The following IQSEC1 variants were observed in gnomAD, a reference collection of about 807,000 sequenced individuals.
IQSEC1 encodes the protein IQ motif and Sec7 domain ArfGEF 1, also known as IQ motif and SEC7 domain-containing protein 1.
A neutral mutation model predicts 91.0 loss-of-function variants in IQSEC1; 31 were observed. The ratio of observed to expected loss-of-function variants is 0.34; its 90% CI spans 0.26 to 0.46. IQSEC1 has a LOEUF of 0.46. Among genes scored for constraint, IQSEC1 ranks in the 20% least tolerant of loss-of-function variants. The pLI is 1.00. For synonymous variants in IQSEC1, 699 were observed against 662.6 expected (o/e 1.05, Z -0.84); for missense variants, 1,388 against 1,575.6 (o/e 0.88, Z 2.02).
At chr3:13,257,482 C>A (rs1695311238) in intron 1 of IQSEC1, among the ~76,000 whole-genome samples, 1 of 152,244 alleles carries the variant, frequency 6.6e-6, no homozygotes, top group Non-Finnish European at 1.5e-5. Context: ...CACCCCCAAC[C>A]AGACTAACCC....
At chr3:13,010,212 ATGGTGGATGCAG>A (rs1302536830) in intron 1 of IQSEC1, among the ~76,000 whole-genome samples, 2 of 152,204 alleles carry the variant, frequency 1.3e-5, no homozygotes, top group African/African-American at 2.4e-5. Context: ...GCAGGTCGCA[ATGGTGGATGCAG>A]GATGTTTCTG....
In IQSEC1 at chr3:12,992,763, G is replaced by T. The variant is rs542667398; in HGVS notation, c.24-50898C>A. On this transcript the variant is annotated intron_variant, in intron 1 of 13. Coordinates refer to ENST00000613206, the MANE Select transcript of IQSEC1 (RefSeq NM_001134382.3). This position sits in a 1 kb window ranked among gnomAD's most constrained non-coding sequence, Gnocchi z 4.1. ...CTCATCTCCTGGACAAGGCCAGGGG[G>T]AGGGGACACCCACTGTCACCTTTCT... is the stretch of plus-strand genomic sequence containing the variant. Among the ~76,000 whole-genome samples, 98 of 152,362 alleles carry T rather than the reference G, an allele frequency of 6.4e-4. No individual in the cohort carries two copies. The highest frequency in any genetic ancestry group is 1.2e-3 in the Non-Finnish European group (81 of 68,036).
intron 1 of IQSEC1, among the ~76,000 whole-genome samples, chr3:13,275,420 A>AAGTGCCCTAGGCTGGTCTGTGCCCAT (rs1695660124): frequency 6.6e-6 from 1 of 152,188 alleles, no homozygotes; most frequent in African/African-American, 2.4e-5. Context: ...TAAGAAAGGC[A>AAGTGCCCTAGGCTGGTCTGTGCCCAT]AGTGCCCTAG....
chr3:12,968,224 C>T (rs1700732784), intron 1 of IQSEC1, among the ~76,000 whole-genome samples: 2 of 152,278 alleles, frequency 1.3e-5, no homozygotes, highest in African/African-American at 4.8e-5. Flanking sequence ...TGGACCGAAC[C>T]GTGTGGTTCT....
chr3:13,166,859 C>A (rs1248324224), intron 1 of IQSEC1, among the ~76,000 whole-genome samples: 1 of 152,234 alleles, frequency 6.6e-6, no homozygotes, highest in Non-Finnish European at 1.5e-5. Flanking sequence ...AACAGCAACA[C>A]ACAGTGGAGT....
intron 1 of IQSEC1, among the ~76,000 whole-genome samples, chr3:13,171,565 A>G (rs1395086561): frequency 1.3e-5 from 2 of 152,078 alleles, no homozygotes; most frequent in African/African-American, 4.8e-5. Flanking sequence ...AAACTCAGGG[A>G]TGTTGTTATA....
intron 1 of IQSEC1, among the ~76,000 whole-genome samples, chr3:13,208,687 T>C (rs1694387146): frequency 6.6e-6 from 1 of 151,916 alleles, no homozygotes; most frequent in African/African-American, 2.4e-5. Flanking sequence ...GTTTCAGGAG[T>C]GAAGTGGTGC....
rs1702741928 is a variant in IQSEC1, at chr3:13,008,701, C to A, written c.23+64291G>T. Among the ~76,000 whole-genome samples, 1 of 152,224 alleles carries A rather than the reference C, an allele frequency of 6.6e-6. No individual in the cohort carries two copies. Among genetic ancestry groups the A allele is most frequent in the South Asian group, 2.1e-4 (1 of 4,834 alleles). ...AGGGAGGGGGTCTCACGCTGGTGTC[C>A]TCACTGCTTTGAGCGGTGCTGGGCA... On this transcript the variant is annotated intron_variant, in intron 1 of 13. Coordinates refer to ENST00000613206, the MANE Select transcript of IQSEC1 (RefSeq NM_001134382.3). This position sits in a 1 kb window ranked among gnomAD's most constrained non-coding sequence, Gnocchi z 4.1.
chr3:13,106,421 G>C (rs144909731), intron 2 of IQSEC1, among the ~76,000 whole-genome samples: 1 of 152,152 alleles, frequency 6.6e-6, no homozygotes, highest in Non-Finnish European at 1.5e-5. Context: ...TCTCTGTTCC[G>C]AGCACTTGCT....
intron 2 of IQSEC1, among the ~76,000 whole-genome samples, chr3:13,134,510 A>T (rs2124924464): frequency 6.6e-6 from 1 of 152,360 alleles, no homozygotes; most frequent in East Asian, 1.9e-4. Context: ...GTTGGCAATG[A>T]TGTGCTTTAG....
intron 3 of IQSEC1, among the ~76,000 whole-genome samples, chr3:12,932,054 C>A (rs530437894): frequency 2.6e-5 from 4 of 152,352 alleles, no homozygotes; most frequent in Non-Finnish European, 5.9e-5. Flanking sequence ...TGGTGTGGCT[C>A]ACCTGTGACA....
chr3:13,104,191 T>C (rs1213735970), intron 2 of IQSEC1, among the ~76,000 whole-genome samples: 1 of 152,096 alleles, frequency 6.6e-6, no homozygotes, highest in African/African-American at 2.4e-5. Context: ...CACACAAACA[T>C]AGCATGTTTG....
intron 1 of IQSEC1, among the ~76,000 whole-genome samples, chr3:13,237,529 C>T (rs967725715): frequency 3.3e-5 from 5 of 152,154 alleles, no homozygotes; most frequent in African/African-American, 7.2e-5. Flanking sequence ...CACTCTGAAC[C>T]GGTGCAGGCC....
rs1453966485 is a variant in IQSEC1 at position 13,154,456 on chromosome 3, T to C, written c.302+9648A>G. The stretch of plus-strand genomic sequence containing the variant: ...TTACATGCATATATATATATATATA[T>C]ATATATATATATATATATATGCAAA... On this transcript the variant is annotated intron_variant, in intron 2 of 15. Coordinates refer to the IQSEC1 transcript ENST00000648114. Among the ~76,000 whole-genome samples, 24 of 52,530 alleles carry C rather than the reference T, an allele frequency of 4.6e-4. 5 individuals carry two copies. The highest frequency in any genetic ancestry group is 1.4e-3 in the Admixed American group (6 of 4,274). The allele number at this position is 52,530 out of a possible 152,430, so 34.5% of individuals were successfully genotyped here.
At chr3:13,055,906 T>G (rs933845506) in intron 1 of IQSEC1, among the ~76,000 whole-genome samples, 1 of 152,136 alleles carries the variant, frequency 6.6e-6, no homozygotes, top group Non-Finnish European at 1.5e-5. Context: ...AGTGAAGGCC[T>G]GGCTTGCATA....
At position 13,269,952 on chromosome 3, in the gene IQSEC1, C is replaced by T. The variant is rs1347916697; in HGVS notation, c.272+12759G>A. On this transcript the variant is annotated intron_variant, in intron 1 of 15. Transcript: ENST00000648114. The stretch of plus-strand genomic sequence containing the variant: ...CTCCAGAGGTCCAATCACAAGAAGC[C>T]TCACATTTCCCACACAGGCCTTTTA... Among the ~76,000 whole-genome samples, 3 of 152,222 alleles carry T rather than the reference C, an allele frequency of 2.0e-5. No homozygotes were observed. The East Asian group carries it at 5.8e-4, about 29-fold the overall frequency.
At chr3:13,105,725 C>A (rs1169746741) in intron 2 of IQSEC1, among the ~76,000 whole-genome samples, 3 of 152,080 alleles carry the variant, frequency 2.0e-5, no homozygotes, top group Admixed American at 6.5e-5. Flanking sequence ...CTGCATTTCC[C>A]AGCCTCCCTC....
chr3:12,932,139 G>A (rs1286821129), intron 3 of IQSEC1, among the ~76,000 whole-genome samples: 1 of 152,210 alleles, frequency 6.6e-6, no homozygotes. Context: ...ACCCCTGACG[G>A]TGTGTACCAG....
intron 1 of IQSEC1, among the ~76,000 whole-genome samples, chr3:13,177,916 A>T (rs994641930): frequency 1.3e-5 from 2 of 152,144 alleles, no homozygotes; most frequent in Admixed American, 1.3e-4. Flanking sequence ...TACAGATGGA[A>T]CTCCCATAAG....
Sources: allele counts gnomAD v4.1 joint callset (sites outside exome capture counted in the v4.1 genomes callset), GRCh38; gene constraint gnomAD v4.1.1; non-coding constraint Gnocchi (gnomAD v3.1); transcripts MANE v1.5; gene names NCBI Gene and HGNC (gene_info 2026-07-23, HGNC 2026-07-21).